MACROD1: variants seen among roughly 807,000 people sequenced by gnomAD.
The protein encoded by MACROD1 is ADP-ribose glycohydrolase MACROD1.
A neutral mutation model predicts 41.4 loss-of-function variants in MACROD1; 31 were observed. That is an observed-to-expected ratio of 0.75 (90% CI 0.56 to 1.01). The LOEUF (loss-of-function observed/expected upper bound fraction) is 1.01, where lower values mean the gene tolerates loss of function less well. Ranked by LOEUF, MACROD1 falls within the 50% of genes least tolerant of loss-of-function variation. MACROD1 has a pLI of 0.00. For missense variants in MACROD1, 473 were observed against 460.0 expected (o/e 1.03, Z -0.26); for synonymous variants, 252 against 203.4 (o/e 1.24, Z -2.03).
chr11:64,073,031 G>A (rs1944137708), intron 3 of MACROD1, among the ~76,000 whole-genome samples: 1 of 152,194 alleles, frequency 6.6e-6, no homozygotes, highest in Non-Finnish European at 1.5e-5. Flanking sequence ...GCAGCCAGAG[G>A]CAGAGCCAGC....
At chr11:64,003,082 CCT>C (rs1386568009) in intron 4 of MACROD1, among the ~76,000 whole-genome samples, 2 of 152,206 alleles carry the variant, frequency 1.3e-5, no homozygotes, top group Non-Finnish European at 2.9e-5. Context: ...GCGGGACCCC[CCT>C]GAGATGTTTC....
At chr11:64,076,677 A>G (rs1944207948) in intron 3 of MACROD1, among the ~76,000 whole-genome samples, 2 of 152,178 alleles carry the variant, frequency 1.3e-5, no homozygotes, top group African/African-American at 4.8e-5. Flanking sequence ...CTAAGAACAC[A>G]CAGCTCAGAA....
intron 3 of MACROD1, among the ~76,000 whole-genome samples, chr11:64,138,240 G>A (rs1295709925): frequency 3.9e-5 from 6 of 152,330 alleles, no homozygotes; most frequent in Non-Finnish European, 7.4e-5. Flanking sequence ...GGTGGAGGCC[G>A]AGGCCAGGGA....
At chr11:64,108,417 G>A (rs1183638960) in intron 3 of MACROD1, among the ~76,000 whole-genome samples, 6 of 152,178 alleles carry the variant, frequency 3.9e-5, no homozygotes, top group Admixed American at 6.5e-5. Context: ...ACAGGAAAGG[G>A]GCTTCCTGGC....
chr11:64,112,446 G>A (rs916517986), intron 3 of MACROD1, among the ~76,000 whole-genome samples: 9 of 152,174 alleles, frequency 5.9e-5, no homozygotes, highest in East Asian at 1.9e-4. Context: ...CCTGGGAGGC[G>A]GAGGTTGTAG....
At chr11:64,116,936 C>T (rs1944994811) in intron 3 of MACROD1, 3 of 1,611,422 alleles carry the variant, frequency 1.9e-6, no homozygotes, top group Non-Finnish European at 2.5e-6. Context: ...GCCTCAACAG[C>T]CTGCGGCGCC....
intron 3 of MACROD1, among the ~76,000 whole-genome samples, chr11:64,075,902 G>A (rs904962517): frequency 1.3e-5 from 2 of 152,208 alleles, no homozygotes; most frequent in Non-Finnish European, 2.9e-5. Context: ...TCAAACTCCT[G>A]ACCTCAAGTG....
intron 3 of MACROD1, among the ~76,000 whole-genome samples, chr11:64,074,547 G>A (rs756636326): frequency 1.3e-5 from 2 of 152,232 alleles, no homozygotes; most frequent in African/African-American, 2.4e-5. Flanking sequence ...ATAACGTGTG[G>A]AGAAGCAATT....
intron 3 of MACROD1, among the ~76,000 whole-genome samples, chr11:64,017,795 A>C (rs1943101648): frequency 2.0e-5 from 3 of 149,498 alleles, no homozygotes; most frequent in Non-Finnish European, 3.0e-5. Context: ...TCCCCCCATC[A>C]CCTCTCTCTC....
At chr11:64,029,401 A>G (rs550199796) in intron 3 of MACROD1, among the ~76,000 whole-genome samples, 5 of 152,176 alleles carry the variant, frequency 3.3e-5, no homozygotes, top group Non-Finnish European at 5.9e-5. Context: ...TGAGACACCA[A>G]TCTCAGAGCC....
intron 3 of MACROD1, among the ~76,000 whole-genome samples, chr11:64,140,562 C>T (rs1000626324): frequency 2.6e-5 from 4 of 152,194 alleles, no homozygotes; most frequent in Non-Finnish European, 5.9e-5. Flanking sequence ...CCCGGTTCAG[C>T]GGGTCTCAGC....
intron 3 of MACROD1, among the ~76,000 whole-genome samples, chr11:64,032,693 A>G (rs1460974015): frequency 2.0e-5 from 3 of 152,084 alleles, no homozygotes; most frequent in Non-Finnish European, 4.4e-5. Context: ...CCTCCAGCCC[A>G]AGGCCACACT....
In MACROD1 at chr11:63,998,582, C is replaced by T; in HGVS notation, c.*136G>A. The T allele has an allele frequency of 4.8e-6, 6 of 1,247,106 alleles. No individual in the cohort carries two copies. The highest frequency in any genetic ancestry group is 6.1e-6 in the Non-Finnish European group (6 of 988,966). The allele number at this position is 1,247,106 out of a possible 1,614,324, so 77.3% of individuals were successfully genotyped here. ...CTGCCACAACGAGATCTTTATTAGG[C>T]TCCTCGGGGGCGGGGCGCGGAGGGA... On this transcript the variant is annotated 3_prime_UTR_variant, in exon 11 of 11. Transcript: ENST00000255681.
intron 3 of MACROD1, among the ~76,000 whole-genome samples, chr11:64,076,130 C>T (rs910685928): frequency 6.6e-6 from 1 of 152,218 alleles, no homozygotes; most frequent in Non-Finnish European, 1.5e-5. Flanking sequence ...CTGCCAGTCA[C>T]CTGCCCCTGC....
chr11:64,060,787 C>G (rs1943885159), intron 3 of MACROD1: 2 of 152,224 alleles, frequency 1.3e-5, no homozygotes, highest in Non-Finnish European at 2.9e-5. Context: ...TTCTACCTCT[C>G]GAATGCCCAG....
chr11:64,117,215 C>A, intron 3 of MACROD1: 1 of 1,614,166 alleles, frequency 6.2e-7, no homozygotes. Context: ...TGTTCGACGA[C>A]CTGGGGAACC....
chr11:64,124,226 C>A (rs906524266), intron 3 of MACROD1, among the ~76,000 whole-genome samples: 11 of 152,194 alleles, frequency 7.2e-5, no homozygotes, highest in African/African-American at 2.7e-4. Flanking sequence ...CTATGGCTCG[C>A]CAGAGGGGCT....
intron 3 of MACROD1, chr11:64,117,846 G>A (rs895958009): frequency 6.2e-7 from 1 of 1,614,064 alleles, no homozygotes; most frequent in Non-Finnish European, 8.5e-7. Flanking sequence ...GTGTGCCAAG[G>A]CAGAGACAGC....
In MACROD1 at chr11:64,146,439, C is replaced by T. The variant is rs1180641168; in HGVS notation, c.517+4800G>A. ...TTCATTAAGACGGATGCGCCATGCT[C>T]CTGTGGGCAGGAGCCGTGGCCGACA... On this transcript the variant is annotated intron_variant, in intron 3 of 10. Transcript: ENST00000255681. This position sits in a 1 kb window ranked among gnomAD's most constrained non-coding sequence, Gnocchi z 4.7. 2.0e-5 allele frequency among the ~76,000 whole-genome samples: 3 copies of T among 152,178 alleles called. No individual in the cohort carries two copies. Among genetic ancestry groups the T allele is most frequent in the African/African-American group, 4.8e-5 (2 of 41,440 alleles).
Sources: allele counts gnomAD v4.1 joint callset (sites outside exome capture counted in the v4.1 genomes callset), GRCh38; gene constraint gnomAD v4.1.1; non-coding constraint Gnocchi (gnomAD v3.1); transcripts MANE v1.5; gene names NCBI Gene and HGNC (gene_info 2026-07-23, HGNC 2026-07-21).